Variants in CD38 observed in about 807,000 individuals in gnomAD.
The protein encoded by CD38 is ADP-ribosyl cyclase/cyclic ADP-ribose hydrolase 1.
Under a neutral mutation model 36.3 loss-of-function variants are expected in CD38, and 31 were observed. The ratio of observed to expected loss-of-function variants is 0.85; its 90% CI spans 0.64 to 1.15. CD38 has a LOEUF of 1.15. Ranked by LOEUF, CD38 falls within the 50% of genes most tolerant of loss-of-function variation. CD38 has a pLI of 0.00. For missense variants in CD38, 380 were observed against 371.9 expected, an observed-to-expected ratio of 1.02 and a Z score of -0.18; for synonymous variants, 131 against 135.2, an observed-to-expected ratio of 0.97 and a Z score of 0.22.
At chr4:15,815,064 C>A (rs529833506) in intron 1 of CD38, among the ~76,000 whole-genome samples, 68 of 152,228 alleles carry the variant, frequency 4.5e-4, no homozygotes, top group African/African-American at 1.5e-3. Flanking sequence ...CTCAGCCTCC[C>A]AAAGTGCTGG....
intron 2 of CD38, among the ~76,000 whole-genome samples, chr4:15,824,646 C>T (rs1409492840): frequency 1.3e-5 from 2 of 151,594 alleles, no homozygotes; most frequent in African/African-American, 4.9e-5. Flanking sequence ...TTGACTGCAA[C>T]CTAGAATAAA....
intron 1 of CD38, among the ~76,000 whole-genome samples, chr4:15,812,524 C>T (rs1241617793): frequency 3.3e-5 from 5 of 152,004 alleles, no homozygotes; most frequent in Non-Finnish European, 2.9e-5. Context: ...GGTAAAACCC[C>T]GTCTCTACTA....
At chr4:15,792,420 A>AT (rs1338366671) in intron 1 of CD38, among the ~76,000 whole-genome samples, 2 of 143,622 alleles carry the variant, frequency 1.4e-5, no homozygotes, top group Non-Finnish European at 1.5e-5. Flanking sequence ...AGAATGATCA[A>AT]TAAAAATAAA....
chr4:15,786,646 A>G (rs987783858), intron 1 of CD38, among the ~76,000 whole-genome samples: 4 of 152,246 alleles, frequency 2.6e-5, no homozygotes, highest in Admixed American at 6.5e-5. Flanking sequence ...AGTCCCCACT[A>G]GACTCAGAAG....
chr4:15,810,225 CAAG>C (rs1723440510), intron 1 of CD38, among the ~76,000 whole-genome samples: 2 of 152,066 alleles, frequency 1.3e-5, no homozygotes, highest in African/African-American at 4.8e-5. Flanking sequence ...TATATATACC[CAAG>C]AAGAATAAAA....
intron 2 of CD38, among the ~76,000 whole-genome samples, chr4:15,823,761 C>T (rs1473975182): frequency 6.6e-6 from 1 of 152,168 alleles, no homozygotes; most frequent in African/African-American, 2.4e-5. Flanking sequence ...GTGGCAATTC[C>T]TCAAAGATCT....
intron 3 of CD38, among the ~76,000 whole-genome samples, chr4:15,829,614 C>T (rs1320528966): frequency 1.3e-5 from 2 of 152,154 alleles, no homozygotes; most frequent in African/African-American, 4.8e-5. Context: ...ATGGGTTGGA[C>T]AAGCTTTTTT....
At chr4:15,839,053 G>A (rs1160877523) in intron 5 of CD38, among the ~76,000 whole-genome samples, 2 of 152,120 alleles carry the variant, frequency 1.3e-5, no homozygotes, top group East Asian at 1.9e-4. Context: ...TGACTGAAAG[G>A]AGGAAGCATA....
At chr4:15,807,200 T>G (rs1027010187) in intron 1 of CD38, among the ~76,000 whole-genome samples, 4 of 151,890 alleles carry the variant, frequency 2.6e-5, no homozygotes, top group African/African-American at 9.7e-5. Context: ...GGGGGAAAGG[T>G]TCAAGGAGAC....
chr4:15,836,321 G>C (rs560832282), intron 4 of CD38, among the ~76,000 whole-genome samples: 24 of 152,296 alleles, frequency 1.6e-4, no homozygotes, highest in African/African-American at 5.8e-4. Context: ...AAGGAACCTA[G>C]CTAGTTCCCT....
intron 2 of CD38, among the ~76,000 whole-genome samples, chr4:15,823,491 G>C (rs1043689798): frequency 5.9e-5 from 9 of 151,870 alleles, no homozygotes; most frequent in Non-Finnish European, 1.3e-4. Context: ...AAAATAAACA[G>C]CCCCATCAAA....
rs570278986 is a variant in CD38 at position 15,786,186 on chromosome 4, G to A, written c.233+7539G>A. Among the ~76,000 whole-genome samples the A allele has an allele frequency of 3.6e-3, 549 of 152,344 alleles. 2 individuals are homozygous for A. Among genetic ancestry groups the A allele is most frequent in the Non-Finnish European group, 5.1e-3 (349 of 68,026 alleles). On this transcript the variant is annotated intron_variant, in intron 1 of 7. Coordinates refer to ENST00000226279, the MANE Select transcript of CD38 (RefSeq NM_001775.4). ...AAAAGAACAAAGCTTCCCCAGTGTA[G>A]AAGTGTAGAACGGGACGCCAATGGG...
chr4:15,806,143 T>C (rs1014753235), intron 1 of CD38, among the ~76,000 whole-genome samples: 8 of 152,184 alleles, frequency 5.3e-5, no homozygotes, highest in African/African-American at 1.9e-4. Context: ...CGCAGACAAA[T>C]TGGATTTAAC....
At chr4:15,839,815 T>C (rs1024180937) in intron 5 of CD38, among the ~76,000 whole-genome samples, 2 of 152,152 alleles carry the variant, frequency 1.3e-5, no homozygotes, top group African/African-American at 2.4e-5. Flanking sequence ...AGAATCAACA[T>C]TAATGCACAA....
intron 1 of CD38, among the ~76,000 whole-genome samples, chr4:15,810,815 G>A (rs914585785): frequency 6.6e-6 from 1 of 152,078 alleles, no homozygotes; most frequent in African/African-American, 2.4e-5. Flanking sequence ...TTGCCTGGAG[G>A]GCTTATTAAA....
At chr4:15,823,058 C>A (rs1413831318) in intron 2 of CD38, among the ~76,000 whole-genome samples, 1 of 152,094 alleles carries the variant, frequency 6.6e-6, no homozygotes, top group East Asian at 1.9e-4. Context: ...CTTTGGCAAA[C>A]CTGACAAAAA....
Position 15,816,560 on chromosome 4 carries a change from T to G in CD38, c.283T>G (p.Ser95Ala), listed in dbSNP as rs1356377169. 1.9e-6 allele frequency: 3 copies of G among 1,613,814 alleles called. No homozygotes were observed. The highest frequency in any genetic ancestry group is 2.5e-6 in the Non-Finnish European group (3 of 1,179,826). The stretch of plus-strand genomic sequence containing the variant: ...GGATGCTTTCAAGGGTGCATTTATT[T>G]CAAAACATCCTTGCAACATTACTGA... ...VWDAFKGAFI[S>A]KHPCNITEED... Residue 95 changes from serine (S) to alanine (A), a missense_variant, in exon 2 of 8, where the codon TCA becomes GCA. Ser to Ala is a moderately conservative substitution (Grantham distance 99, BLOSUM62 1). Transcript: ENST00000226279.
At chr4:15,782,106 A>G (rs1722711916) in intron 1 of CD38, among the ~76,000 whole-genome samples, 1 of 152,106 alleles carries the variant, frequency 6.6e-6, no homozygotes, top group South Asian at 2.1e-4. Flanking sequence ...CTCTCTATCC[A>G]TGTGGCCTCT....
intron 2 of CD38, among the ~76,000 whole-genome samples, chr4:15,819,979 T>C (rs1173890006): frequency 6.6e-6 from 1 of 152,082 alleles, no homozygotes. Flanking sequence ...GGAAGCCAAT[T>C]AGACTAACAG....
Sources: allele counts gnomAD v4.1 joint callset (sites outside exome capture counted in the v4.1 genomes callset), GRCh38; gene constraint gnomAD v4.1.1; transcripts MANE v1.5; gene names NCBI Gene and HGNC (gene_info 2026-07-23, HGNC 2026-07-21).